KIF16B: variants seen among roughly 807,000 people sequenced by gnomAD.
The protein encoded by KIF16B is kinesin-like protein KIF16B.
A neutral mutation model predicts 156.3 loss-of-function variants in KIF16B; 98 were observed. The ratio of observed to expected loss-of-function variants is 0.63; its 90% confidence interval spans 0.53 to 0.74. The LOEUF (loss-of-function observed/expected upper bound fraction) is 0.74. KIF16B is among the 30% of genes least tolerant of loss of function. The pLI, the probability that KIF16B is intolerant of heterozygous loss-of-function variation, is 0.00. For missense variants in KIF16B, 1,421 were observed against 1,606.5 expected (o/e 0.88, Z 1.97); for synonymous variants, 564 against 583.7 (o/e 0.97, Z 0.49).
At chr20:16,508,234 G>C in intron 6 of KIF16B, 134 bp from the exon 7 acceptor site, 1 of 1,009,168 alleles carries the variant, frequency 9.9e-7, no homozygotes, top group Non-Finnish European at 1.5e-6. Context: ...GTCTCTCTAG[G>C]GTGGTGGTAT....
chr20:16,519,797 G>A (rs557539674), intron 3 of KIF16B, among the ~76,000 whole-genome samples: 2 of 152,210 alleles, frequency 1.3e-5, no homozygotes, highest in African/African-American at 4.8e-5. Flanking sequence ...GTGATTTCTG[G>A]ATTTTCAATT....
In KIF16B at chr20:16,350,511, G is replaced by A. The variant is rs117865100; in HGVS notation, c.3621+5819C>T. On this transcript the variant is annotated intron_variant, in intron 23 of 25. Transcript: ENST00000354981. ...AGCCAGGACATGGGTATACTGGAGC[G>A]CTGGAGGGTGGTGCTGAGAAGGCGG... Among the ~76,000 whole-genome samples, 26 of 152,242 alleles carry A rather than the reference G, an allele frequency of 1.7e-4. No individual in the cohort carries two copies. In the East Asian group the frequency reaches 2.9e-3, roughly 17 times the overall value.
chr20:16,533,204 C>T (rs925049966), intron 1 of KIF16B, among the ~76,000 whole-genome samples: 3 of 152,144 alleles, frequency 2.0e-5, no homozygotes, highest in African/African-American at 7.2e-5. Flanking sequence ...TTTCACTATT[C>T]TGAGGGTCTA....
At chr20:16,400,649 T>A (rs1387863570) in intron 17 of KIF16B, among the ~76,000 whole-genome samples, 1 of 152,188 alleles carries the variant, frequency 6.6e-6, no homozygotes, top group Non-Finnish European at 1.5e-5. Flanking sequence ...CAAAATGTGG[T>A]ATATCCGTAA....
At chr20:16,405,615 G>A (rs1188263474) in intron 16 of KIF16B, among the ~76,000 whole-genome samples, 1 of 152,150 alleles carries the variant, frequency 6.6e-6, no homozygotes, top group African/African-American at 2.4e-5. Flanking sequence ...AGTCAGTACT[G>A]CAGCCAAAGC....
chr20:16,346,787 C>T (rs576533503), intron 23 of KIF16B, among the ~76,000 whole-genome samples: 1 of 152,118 alleles, frequency 6.6e-6, no homozygotes, highest in South Asian at 2.1e-4. Context: ...AGTGCTTCCC[C>T]CTCTGCCAAC....
intron 24 of KIF16B, among the ~76,000 whole-genome samples, chr20:16,323,197 T>A (rs1015776612): frequency 6.6e-6 from 1 of 151,996 alleles, no homozygotes; most frequent in African/African-American, 2.4e-5. Flanking sequence ...TATTTGGCTA[T>A]CTAACTTTTA....
Position 16,526,150 on chromosome 20 carries a change from T to C in KIF16B, c.173A>G (p.Tyr58Cys), listed in dbSNP as rs1487088609. The C allele has an allele frequency of 6.2e-7, 1 of 1,610,724 alleles. No individual in the cohort carries two copies. Among genetic ancestry groups the C allele is most frequent in the African/African-American group, 1.3e-5 (1 of 74,942 alleles). ...ATCAGCAGAATAAAAAGAAAAGTCA[T>C]AGGTGAAGGTCTTGGTCCGTTCTCT... ...SGRERTKTFTYDFSFYSADTK... is the reference protein window; with the variant it reads ...SGRERTKTFTCDFSFYSADTK... Residue 58 changes from tyrosine to cysteine, a missense_variant, in exon 3 of 26, where the codon TAT (tyrosine) becomes TGT (cysteine). Tyr to Cys is a radical substitution (Grantham distance 194). Transcript: ENST00000354981.
chr20:16,467,623 A>G (rs2180473), intron 12 of KIF16B, among the ~76,000 whole-genome samples: 2,204 of 152,276 alleles, frequency 0.014, 45 homozygotes, highest in African/African-American at 0.05. Context: ...CACCTTATCT[A>G]TAAAGGGACA....
chr20:16,422,092 C>A (rs776751281), intron 15 of KIF16B, among the ~76,000 whole-genome samples: 1 of 152,056 alleles, frequency 6.6e-6, no homozygotes, highest in Non-Finnish European at 1.5e-5. Flanking sequence ...AGATCAAAAA[C>A]CACTTAATAA....
In KIF16B at chr20:16,368,033, G is replaced by T. The variant is rs920659433; in HGVS notation, c.3498+2553C>A. ...GACTGAAGCAGGAGCAAACACGCTG[G>T]TTGAGGGTCAGGTGCTGTGCAGGCA... On this transcript the variant is annotated intron_variant, in intron 22 of 25. Transcript: ENST00000354981. The T allele has an allele frequency of 2.4e-5, 34 of 1,404,238 alleles. No individual in the cohort carries two copies. The African/African-American group carries it at 4.3e-4, about 18-fold the overall frequency. 87.0% of individuals were successfully genotyped at this position (1,404,238 alleles called of 1,614,324 possible).
At chr20:16,406,883 A>T (rs1488304763) in intron 15 of KIF16B, among the ~76,000 whole-genome samples, 1 of 152,198 alleles carries the variant, frequency 6.6e-6, no homozygotes, top group Non-Finnish European at 1.5e-5. Flanking sequence ...TCAAAAGAAA[A>T]GTGCTTTCAA....
At chr20:16,469,642 TAGAA>T (rs2067602500) in intron 12 of KIF16B, among the ~76,000 whole-genome samples, 2 of 151,364 alleles carry the variant, frequency 1.3e-5, no homozygotes, top group Non-Finnish European at 2.9e-5. Context: ...ATACTAGTAT[TAGAA>T]AGGTCAAAAT....
rs1235599353 is a variant in KIF16B, at chr20:16,398,812, A to G, written c.1784+6001T>C. On this transcript the variant is annotated intron_variant, in intron 17 of 25. Coordinates refer to ENST00000354981, the MANE Select transcript of KIF16B (RefSeq NM_024704.5). Reference sequence around the variant, plus strand: ...GACTGTTATCAACCGACAGGAAAGCAGGCGGCTTCACAGGGACCTGGGCAA... The same window carrying G: ...GACTGTTATCAACCGACAGGAAAGCGGGCGGCTTCACAGGGACCTGGGCAA... Among the ~76,000 whole-genome samples the G allele has an allele frequency of 2.0e-5, 3 of 152,270 alleles. No individual in the cohort carries two copies. In the East Asian group the frequency reaches 5.8e-4, roughly 29 times the overall value.
chr20:16,381,326 T>C (rs2065088335), intron 18 of KIF16B, among the ~76,000 whole-genome samples: 1 of 152,090 alleles, frequency 6.6e-6, no homozygotes, highest in African/African-American at 2.4e-5. Context: ...GAAGGCAAAT[T>C]GTCATTCTTC....
At chr20:16,434,174 C>A (rs965924500) in intron 12 of KIF16B, among the ~76,000 whole-genome samples, 1 of 152,178 alleles carries the variant, frequency 6.6e-6, no homozygotes, top group East Asian at 1.9e-4. Context: ...TTTTCTTCAA[C>A]CTCCAGGCAT....
At chr20:16,341,887 T>C (rs1427415625) in intron 23 of KIF16B, among the ~76,000 whole-genome samples, 1 of 152,224 alleles carries the variant, frequency 6.6e-6, no homozygotes, top group Non-Finnish European at 1.5e-5. Context: ...GGGACTTTCC[T>C]AGGCAATCCC....
chr20:16,350,757 C>T (rs553338510), intron 23 of KIF16B, among the ~76,000 whole-genome samples: 1 of 152,100 alleles, frequency 6.6e-6, no homozygotes, highest in East Asian at 1.9e-4. Context: ...TTACAAAGGG[C>T]ACACGGTCAC....
intron 17 of KIF16B, among the ~76,000 whole-genome samples, chr20:16,402,977 T>C (rs1241706794): frequency 2.0e-5 from 3 of 152,198 alleles, no homozygotes; most frequent in Admixed American, 2.0e-4. Context: ...ATCTCACGTA[T>C]ATATGTAAGG....
Sources: allele counts gnomAD v4.1 joint callset (sites outside exome capture counted in the v4.1 genomes callset), GRCh38; gene constraint gnomAD v4.1.1; transcripts MANE v1.5; gene names NCBI Gene and HGNC (gene_info 2026-07-23, HGNC 2026-07-21).